Variants in CAPG observed in about 807,000 individuals in gnomAD.
CAPG encodes the protein capping actin protein, gelsolin like.
Under a neutral mutation model 44.6 loss-of-function variants are expected in CAPG, and 32 were observed. The ratio of observed to expected loss-of-function variants is 0.72; its 90% CI spans 0.54 to 0.96. The LOEUF (loss-of-function observed/expected upper bound fraction) is 0.96. Among genes scored for constraint, CAPG ranks in the 50% least tolerant of loss-of-function variants. CAPG has a pLI of 0.00. For synonymous variants in CAPG, 175 were observed against 179.6 expected (o/e 0.97, Z 0.20); for missense variants, 412 against 438.3 (o/e 0.94, Z 0.54).
At chr2:85,403,712 C>T (rs1015555388) in intron 1 of CAPG, among the ~76,000 whole-genome samples, 9 of 151,548 alleles carry the variant, frequency 5.9e-5, no homozygotes, top group African/African-American at 2.2e-4. Context: ...CATGGTGAAA[C>T]CCTATCTCTA....
In CAPG at chr2:85,395,661, G is replaced by A. The variant is rs777739419; in HGVS notation, c.893-35C>T. 9.3e-6 allele frequency: 14 copies of A among 1,501,862 alleles called. No individual in the cohort carries two copies. The highest frequency in any genetic ancestry group is 7.0e-5 in the Admixed American group (4 of 57,212). 93.0% of individuals were successfully genotyped at this position (1,501,862 alleles called of 1,614,324 possible). ...AGGAAGGAGATTTTTAAAAAGAGCA[G>A]GGACCCTCTTTAGCTGCCATCCCAT... On this transcript the variant is annotated intron_variant, in intron 8 of 9. Coordinates refer to ENST00000263867, the MANE Select transcript of CAPG (RefSeq NM_001747.4). This position sits in a 1 kb window ranked among gnomAD's most constrained non-coding sequence, Gnocchi z 4.3.
intron 7 of CAPG, chr2:85,398,428 A>G (rs1686712805): frequency 6.8e-6 from 4 of 588,590 alleles, no homozygotes; most frequent in Admixed American, 6.3e-5. Flanking sequence ...GAATTCAAGA[A>G]AGAAAAGCTC....
Position 85,395,145 on chromosome 2 carries a change from G to C in CAPG, c.982-187C>G, listed in dbSNP as rs1686527065. On this transcript the variant is annotated intron_variant, in intron 9 of 9. Transcript: ENST00000263867. This position sits in a 1 kb window ranked among gnomAD's most constrained non-coding sequence, Gnocchi z 4.3. ...TGAGAACCAAGATTTCAGGGACACA[G>C]ACAGAGGCAACAGACTGCTTCAAGG... is the stretch of plus-strand genomic sequence containing the variant. Among the ~76,000 whole-genome samples, 1 of 152,180 alleles carries C rather than the reference G, an allele frequency of 6.6e-6. No homozygotes were observed. The highest frequency in any genetic ancestry group is 1.5e-5 in the Non-Finnish European group (1 of 68,022).
chr2:85,408,340 A>T (rs1243746365), intron 1 of CAPG, among the ~76,000 whole-genome samples: 2 of 48,098 alleles, frequency 4.2e-5, no homozygotes, highest in Admixed American at 2.9e-4. Context: ...AGAATCTGTC[A>T]CACACACACA....
chr2:85,406,274 GGAGTTTGGCTGCT>G (rs2104832456), intron 1 of CAPG, among the ~76,000 whole-genome samples: 9 of 134,122 alleles, frequency 6.7e-5, no homozygotes, highest in Admixed American at 5.6e-4. Context: ...AGAAAAGAAA[GGAGTTTGGCTGCT>G]CATTAGAATG....
At position 85,401,542 on chromosome 2, in the gene CAPG, C is replaced by G. The variant is rs1223533569; in HGVS notation, c.338G>C (p.Gly113Ala). 1.2e-6 allele frequency: 2 copies of G among 1,613,978 alleles called. No homozygotes were observed. Among genetic ancestry groups the G allele is most frequent in the Non-Finnish European group, 1.7e-6 (2 of 1,179,998 alleles). ...SDLFMSYFPRGLKYQEGGVES... is the reference protein window; with the variant it reads ...SDLFMSYFPRALKYQEGGVES... Reference sequence around the variant, plus strand: ...GTGGGCTCTGACCTGGTACTTGAGGCCCCGTGGGAAGTAGCTCATGAAGAG... The same window carrying G: ...GTGGGCTCTGACCTGGTACTTGAGGGCCCGTGGGAAGTAGCTCATGAAGAG... The change falls in exon 4 of 10, where the codon GGC becomes GCC. Residue 113 changes from glycine (G) to alanine (A), a missense_variant. Coordinates refer to ENST00000263867, the MANE Select transcript of CAPG (RefSeq NM_001747.4).
chr2:85,400,561 G>C (rs2104803881), intron 5 of CAPG, among the ~76,000 whole-genome samples: 1 of 152,202 alleles, frequency 6.6e-6, no homozygotes, highest in South Asian at 2.1e-4. Flanking sequence ...AGTCTCACTA[G>C]ACCCCTGGTG....
chr2:85,392,207 A>C (rs1384252787), downstream of CAPG, among the ~76,000 whole-genome samples: 1 of 152,126 alleles, frequency 6.6e-6, no homozygotes, highest in Non-Finnish European at 1.5e-5. Flanking sequence ...TGGCTAACAC[A>C]GTGAAACCCC....
intron 1 of CAPG, 68 bp from the exon 2 acceptor site, chr2:85,402,226 G>A: frequency 7.4e-7 from 1 of 1,351,132 alleles, no homozygotes; most frequent in South Asian, 1.2e-5. Context: ...TGGGGCTGGA[G>A]AGGCCCTTTC....
intron 8 of CAPG, 106 bp downstream of exon 8, chr2:85,397,914 A>T (rs1178044060): frequency 2.6e-6 from 3 of 1,160,618 alleles, no homozygotes; most frequent in African/African-American, 3.1e-5. Flanking sequence ...AGGCTTCCTG[A>T]GGCTGTCTTT....
chr2:85,398,891 AG>A, intron 6 of CAPG, 109 bp from the exon 7 acceptor site: 1 of 906,092 alleles, frequency 1.1e-6, no homozygotes, highest in Non-Finnish European at 1.7e-6. Context: ...GCCCTGCACT[AG>A]GGCACCCAGC....
At chr2:85,405,486 GGA>G (rs1275651495) in intron 1 of CAPG, among the ~76,000 whole-genome samples, 1 of 152,142 alleles carries the variant, frequency 6.6e-6, no homozygotes, top group Non-Finnish European at 1.5e-5. Flanking sequence ...GGCACCATTA[GGA>G]GATTCTTGGG....
At chr2:85,394,990 A>G in intron 9 of CAPG, 32 bp from the exon 10 acceptor site, 1 of 1,526,904 alleles carries the variant, frequency 6.5e-7, no homozygotes, top group South Asian at 1.1e-5. Flanking sequence ...AGTCTGGTTC[A>G]CAAAGTTGCC....
At chr2:85,404,750 A>AAAAAT (rs555893562) in intron 1 of CAPG, among the ~76,000 whole-genome samples, 90 of 152,086 alleles carry the variant, frequency 5.9e-4, no homozygotes, top group Middle Eastern at 3.4e-3. Context: ...TCTGTCTCAA[A>AAAAAT]AAAATAAAAT....
At chr2:85,397,902 G>A in intron 8 of CAPG, 118 bp downstream of exon 8, 1 of 1,026,514 alleles carries the variant, frequency 9.7e-7, no homozygotes, top group Middle Eastern at 3.1e-4. Flanking sequence ...CCAGAAGCAT[G>A]CAGGCTTCCT....
At chr2:85,408,386 C>T (rs533207728) in intron 1 of CAPG, among the ~76,000 whole-genome samples, 28 of 106,316 alleles carry the variant, frequency 2.6e-4, no homozygotes, top group Admixed American at 5.0e-4. Context: ...ACACAAGCCC[C>T]CTTATCCTTC....
chr2:85,395,029 G>C lies in CAPG; in HGVS notation c.982-71C>G, dbSNP rs951785375. The C allele has an allele frequency of 7.2e-5, 76 of 1,061,084 alleles. No individual in the cohort carries two copies. The highest frequency in any genetic ancestry group is 1.9e-5 in the Non-Finnish European group (13 of 683,144). The allele number at this position is 1,061,084 out of a possible 1,614,324, so 65.7% of individuals were successfully genotyped here. A position where few individuals can be genotyped will look rare whatever the true frequency, so the allele number is the denominator to read the frequency against. ...TCTGCCTCTGCCCAGGAGGACAGGA[G>C]GGGGCCAGAGCCAGGGAGGAGGGTG... On this transcript the variant is annotated intron_variant, in intron 9 of 9. Transcript: ENST00000263867. The surrounding 1 kb of genome is among the most constrained non-coding windows in gnomAD (Gnocchi z 4.3).
rs1423685012 is a variant in CAPG, at chr2:85,401,405, G to A, written c.352-76C>T. Reference sequence around the variant, plus strand: ...TCTGCACCCCATCCCACTGGAAGACGGGCAGAAAGGTGGGGACCCGGCTCC... The same window carrying A: ...TCTGCACCCCATCCCACTGGAAGACAGGCAGAAAGGTGGGGACCCGGCTCC... On this transcript the variant is annotated intron_variant, in intron 4 of 9. Coordinates refer to ENST00000263867, the MANE Select transcript of CAPG (RefSeq NM_001747.4). 17 of 1,576,230 alleles carry A rather than the reference G, an allele frequency of 1.1e-5. No individual in the cohort carries two copies. The African/African-American group carries it at 1.4e-4, about 13-fold the overall frequency.
rs1321243665 is a variant in CAPG at position 85,397,956 on chromosome 2, A to T, written c.892+64T>A. ...CAGCTAGACAGGCTGAGTCCTGCAA[A>T]GGGAAGCCTGCCCGGGTCAGAGCAG... is the stretch of plus-strand genomic sequence containing the variant. On this transcript the variant is annotated intron_variant, in intron 8 of 9. Transcript: ENST00000263867. 3.9e-6 allele frequency: 6 copies of T among 1,543,858 alleles called. No individual in the cohort carries two copies. In the Admixed American group the frequency reaches 5.3e-5, roughly 14 times the overall value.
Sources: allele counts gnomAD v4.1 joint callset (sites outside exome capture counted in the v4.1 genomes callset), GRCh38; gene constraint gnomAD v4.1.1; non-coding constraint Gnocchi (gnomAD v3.1); transcripts MANE v1.5; gene names NCBI Gene and HGNC (gene_info 2026-07-23, HGNC 2026-07-21).